Variants in DOCK1 observed in about 807,000 individuals in gnomAD.
DOCK1 encodes the protein dedicator of cytokinesis 1, also known as dedicator of cytokinesis protein 1.
DOCK1 carries 138 observed loss-of-function variants against 262.7 expected under a neutral mutation model. The observed-to-expected ratio is 0.53, with a 90% CI of 0.46 to 0.61. The LOEUF (loss-of-function observed/expected upper bound fraction) is 0.61, where lower values mean the gene tolerates loss of function less well. DOCK1 is among the 20% of genes least tolerant of loss of function. DOCK1 has a pLI of 0.00. For missense variants in DOCK1, 1,908 were observed against 2,370.7 expected (o/e 0.80, Z 4.05); for synonymous variants, 866 against 867.4 (o/e 1.00, Z 0.03).
intron 1 of DOCK1, among the ~76,000 whole-genome samples, chr10:126,963,749 G>T (rs2037462802): frequency 6.7e-6 from 1 of 150,366 alleles, no homozygotes; most frequent in South Asian, 2.1e-4. Flanking sequence ...AAAATAAGAT[G>T]CAGATTTTGT....
At chr10:127,406,529 T>C (rs1363333366) in intron 40 of DOCK1, among the ~76,000 whole-genome samples, 1 of 152,228 alleles carries the variant, frequency 6.6e-6, no homozygotes, top group Admixed American at 6.5e-5. Context: ...AATCTGCCAA[T>C]GACACTGGCA....
intron 27 of DOCK1, chr10:127,138,069 G>A (rs754329806): frequency 2.0e-6 from 3 of 1,509,340 alleles, no homozygotes; most frequent in Non-Finnish European, 2.7e-6. Flanking sequence ...TTTTCCATAT[G>A]AAGATCCCTC....
At chr10:127,353,707 C>G (rs2063998916) in intron 31 of DOCK1, among the ~76,000 whole-genome samples, 1 of 152,216 alleles carries the variant, frequency 6.6e-6, no homozygotes, top group Non-Finnish European at 1.5e-5. Context: ...GCAGAGCTGC[C>G]AGGTGAGATT....
intron 13 of DOCK1, among the ~76,000 whole-genome samples, chr10:127,021,530 G>A (rs991228862): frequency 3.7e-4 from 57 of 152,274 alleles, no homozygotes; most frequent in African/African-American, 1.3e-3. Context: ...AGATCATGGA[G>A]TTTATGCCTT....
chr10:127,227,297 C>T (rs1453688414), intron 27 of DOCK1, among the ~76,000 whole-genome samples: 1 of 152,172 alleles, frequency 6.6e-6, no homozygotes. Context: ...ACACCTACCA[C>T]CATTAAGGAT....
In DOCK1 at chr10:127,052,727, C is replaced by A. The variant is rs1202352194; in HGVS notation, c.2248C>A (p.Pro750Thr). The change falls in exon 22 of 52, where the codon CCG (proline) becomes ACG (threonine). Residue 750 changes from proline (P) to threonine (T), a missense_variant. By Grantham distance (38) the Pro-to-Thr change is conservative. Transcript: ENST00000623213. Reference protein sequence around the residue: ...LKNYVDGAEKPGVNEQLYKAM... With the variant: ...LKNYVDGAEKTGVNEQLYKAM... ...GAACTACGTGGACGGTGCTGAGAAG[C>A]CGGGAGTAAATGAGCAGCTGTACAA... 6.2e-7 allele frequency: 1 copy of A among 1,613,750 alleles called. No individual in the cohort carries two copies. Among genetic ancestry groups the A allele is most frequent in the Non-Finnish European group, 8.5e-7 (1 of 1,179,872 alleles).
At chr10:127,308,920 A>G (rs2135483061) in intron 29 of DOCK1, among the ~76,000 whole-genome samples, 1 of 152,328 alleles carries the variant, frequency 6.6e-6, no homozygotes, top group East Asian at 1.9e-4. Flanking sequence ...TCTTTGCAGT[A>G]GAATCATTTA....
At chr10:127,155,567 C>T (rs2052960580) in intron 27 of DOCK1, among the ~76,000 whole-genome samples, 1 of 152,134 alleles carries the variant, frequency 6.6e-6, no homozygotes, top group Non-Finnish European at 1.5e-5. Flanking sequence ...CAGCCTGTGC[C>T]TTATCCCCTC....
rs1007947378 is a variant in DOCK1 at position 127,042,514 on chromosome 10, G to A, written c.2011-111G>A. On this transcript the variant is annotated intron_variant, in intron 19 of 51. Transcript: ENST00000623213. ...AGGATCCCGAATGGCTTTATAGGTA[G>A]TGCTGGGGGCAAAGTGGGTATTTGG... 5.2e-6 allele frequency: 5 copies of A among 962,882 alleles called. No homozygotes were observed. The Admixed American group carries it at 7.2e-5, about 14-fold the overall frequency. The allele number at this position is 962,882 out of a possible 1,614,324, so 59.6% of individuals were successfully genotyped here.
intron 1 of DOCK1, among the ~76,000 whole-genome samples, chr10:126,943,559 T>G (rs1444434585): frequency 3.9e-5 from 6 of 152,216 alleles, no homozygotes; most frequent in African/African-American, 1.4e-4. Flanking sequence ...TCGGCTAAAT[T>G]CATGCATTCA....
In DOCK1 at chr10:126,922,557, G is replaced by A. The variant is rs558060978; in HGVS notation, c.46+16994G>A. ...AGGATGGTGCGAAGCCATTCCGGAGGGAGGCGCCATGATCCAAATCCCTCC... is the reference window on the plus strand; with the variant it reads ...AGGATGGTGCGAAGCCATTCCGGAGAGAGGCGCCATGATCCAAATCCCTCC... On this transcript the variant is annotated intron_variant, in intron 1 of 51. Coordinates refer to ENST00000623213, the MANE Select transcript of DOCK1 (RefSeq NM_001290223.2). Among the ~76,000 whole-genome samples, 56 of 152,246 alleles carry A rather than the reference G, an allele frequency of 3.7e-4. No individual in the cohort carries two copies. The East Asian group carries it at 0.01, about 28-fold the overall frequency.
chr10:126,997,518 C>A (rs2040294373), intron 7 of DOCK1, among the ~76,000 whole-genome samples: 2 of 151,928 alleles, frequency 1.3e-5, no homozygotes, highest in African/African-American at 4.8e-5. Context: ...CTACACGCTA[C>A]ACTTTTAAAC....
chr10:127,401,801 C>A (rs983303958), intron 38 of DOCK1, among the ~76,000 whole-genome samples: 1 of 152,216 alleles, frequency 6.6e-6, no homozygotes, highest in East Asian at 1.9e-4. Flanking sequence ...TCTCCTGCCC[C>A]GCTCATGCCT....
chr10:127,023,858 T>G (rs2042629280), intron 14 of DOCK1, among the ~76,000 whole-genome samples: 1 of 152,130 alleles, frequency 6.6e-6, no homozygotes, highest in Non-Finnish European at 1.5e-5. Flanking sequence ...TTGTTACGAT[T>G]TGAGAGATGA....
intron 27 of DOCK1, chr10:127,136,785 T>C (rs2050739791): frequency 1.3e-5 from 2 of 152,656 alleles, no homozygotes; most frequent in South Asian, 4.1e-4. Context: ...TGTCCCTTGG[T>C]AGCAGCTAAA....
intron 29 of DOCK1, among the ~76,000 whole-genome samples, chr10:127,300,050 G>C (rs2061630923): frequency 6.6e-6 from 1 of 152,138 alleles, no homozygotes. Context: ...GATGTGATTG[G>C]GGATTGGAAG....
chr10:127,286,092 G>T (rs2061143518), intron 29 of DOCK1, among the ~76,000 whole-genome samples: 1 of 152,036 alleles, frequency 6.6e-6, no homozygotes, highest in Non-Finnish European at 1.5e-5. Context: ...TTCCTGTGTT[G>T]CCCTCGGATA....
Position 127,338,975 on chromosome 10 carries a change from G to C in DOCK1, c.3045-31G>C, listed in dbSNP as rs376913991. 9.7e-6 allele frequency: 15 copies of C among 1,545,108 alleles called. No homozygotes were observed. In the East Asian group the frequency reaches 1.9e-4, roughly 20 times the overall value. ...TACCGAAGTGCCAGAGCGTAAGTGT[G>C]TAATTATGTAATTTTCTCTTGATCT... On this transcript the variant is annotated intron_variant, in intron 29 of 51. Transcript: ENST00000623213.
At chr10:127,232,805 T>C (rs981166516) in intron 27 of DOCK1, among the ~76,000 whole-genome samples, 12 of 152,238 alleles carry the variant, frequency 7.9e-5, no homozygotes, top group African/African-American at 2.9e-4. Context: ...ATAATTAGCT[T>C]GTGAAAAACA....
Sources: allele counts gnomAD v4.1 joint callset (sites outside exome capture counted in the v4.1 genomes callset), GRCh38; gene constraint gnomAD v4.1.1; transcripts MANE v1.5; gene names NCBI Gene and HGNC (gene_info 2026-07-23, HGNC 2026-07-21).